Variants in RALGAPB observed in about 807,000 individuals in gnomAD.
The protein encoded by RALGAPB is ral GTPase-activating protein subunit beta.
A neutral mutation model predicts 161.1 loss-of-function variants in RALGAPB; 25 were observed. The observed-to-expected ratio is 0.16, with a 90% confidence interval of 0.11 to 0.22. The LOEUF is 0.22. RALGAPB is among the 10% of genes least tolerant of loss of function. The probability of loss-of-function intolerance (pLI) is 1.00; values close to 1 mark genes in which losing one functional copy is unlikely to be tolerated. For synonymous variants in RALGAPB, 629 were observed against 626.1 expected, an observed-to-expected ratio of 1.00 and a Z score of -0.07; for missense variants, 1,391 against 1,815.2, an observed-to-expected ratio of 0.77 and a Z score of 4.25.
intron 13 of RALGAPB, among the ~76,000 whole-genome samples, chr20:38,529,671 A>C (rs772428743): frequency 6.6e-5 from 10 of 151,882 alleles, no homozygotes; most frequent in Non-Finnish European, 1.0e-4. Context: ...TCTCTACTCA[A>C]AATACAAAAA....
At chr20:38,568,455 C>T (rs1297580880) in intron 26 of RALGAPB, 6 of 152,168 alleles carry the variant, frequency 3.9e-5, no homozygotes, top group Non-Finnish European at 8.8e-5. Flanking sequence ...TTCTTGAATG[C>T]TTTTCCTCTG....
intron 21 of RALGAPB, among the ~76,000 whole-genome samples, chr20:38,553,357 CAGGG>C (rs1370452600): frequency 3.9e-5 from 6 of 152,134 alleles, no homozygotes; most frequent in African/African-American, 1.4e-4. Context: ...GAATTAAACA[CAGGG>C]AGCACGTCAG....
chr20:38,558,577 G>A (rs2087676705), intron 23 of RALGAPB, 124 bp downstream of exon 23: 3 of 872,998 alleles, frequency 3.4e-6, no homozygotes, highest in Non-Finnish European at 4.8e-6. Context: ...ACTGCAGCCT[G>A]GGAAGTGCTG....
At position 38,576,433 on chromosome 20, in the gene RALGAPB, T is replaced by C. The variant is rs533399180; in HGVS notation, c.*1466T>C. 15 of 152,632 alleles carry C rather than the reference T, an allele frequency of 9.8e-5. No individual in the cohort carries two copies. Among genetic ancestry groups the C allele is most frequent in the African/African-American group, 2.9e-4 (12 of 41,580 alleles). 9.5% of individuals were successfully genotyped at this position (152,632 alleles called of 1,614,324 possible). On this transcript the variant is annotated 3_prime_UTR_variant, in exon 30 of 30. Transcript: ENST00000262879. ...ACCTAATTCCCTGTGCAAATGTCTC[T>C]TATTCCAGAAATGTGCATTTTGTCA... is the stretch of plus-strand genomic sequence containing the variant.
chr20:38,562,660 TATTA>T lies in RALGAPB; in HGVS notation c.3664_3667del (p.Asn1222ValfsTer12), dbSNP rs1485533658. On this transcript the variant is annotated frameshift_variant, in exon 24 of 30. Coordinates refer to ENST00000262879, the MANE Select transcript of RALGAPB (RefSeq NM_020336.4). LOFTEE classifies it high-confidence loss of function. ...CTGGGCATGTTTCTACCAGTTGGTC[TATTA>T]ATTGTTGTGATGATGGTGAAGGATC... The T allele has an allele frequency of 6.2e-7, 1 of 1,613,404 alleles. No homozygotes were observed. The highest frequency in any genetic ancestry group is 8.5e-7 in the Non-Finnish European group (1 of 1,179,734).
At position 38,515,787 on chromosome 20, in the gene RALGAPB, A is replaced by ACC. The variant is rs1308745247; in HGVS notation, c.873-405_873-404insCC. Among the ~76,000 whole-genome samples the ACC allele has an allele frequency of 4.4e-4, 67 of 151,794 alleles. 1 individual carries two copies. The highest frequency in any genetic ancestry group is 1.2e-3 in the Admixed American group (19 of 15,238). ...TGCTCTGTTGCTCAGGCTGGAATGCATTGGCATGATCATAGCTCACTGCAG... is the reference window on the plus strand; with the variant it reads ...TGCTCTGTTGCTCAGGCTGGAATGCACCTTGGCATGATCATAGCTCACTGCAG... On this transcript the variant is annotated intron_variant, in intron 6 of 29. Transcript: ENST00000262879.
In RALGAPB at chr20:38,493,868, G is replaced by GC. The variant is rs978650599; in HGVS notation, c.389+740dup. Among the ~76,000 whole-genome samples, 229 of 152,226 alleles carry GC rather than the reference G, an allele frequency of 1.5e-3. 2 individuals carry two copies. The highest frequency in any genetic ancestry group is 3.8e-4 in the Non-Finnish European group (26 of 68,006). ...TGCATGAAATGCCTGGTGTAGTCTG[G>GC]CCCCTAACTAGACTAGCTGTTCTGA... On this transcript the variant is annotated intron_variant, in intron 3 of 29. Coordinates refer to ENST00000262879, the MANE Select transcript of RALGAPB (RefSeq NM_020336.4).
chr20:38,570,906 C>A, intron 28 of RALGAPB, 59 bp downstream of exon 28: 4 of 1,089,326 alleles, frequency 3.7e-6, no homozygotes, highest in Admixed American at 2.1e-5. Context: ...TTGATTGCAG[C>A]TTAATAAATA....
intron 1 of RALGAPB, among the ~76,000 whole-genome samples, chr20:38,481,016 G>T (rs969294105): frequency 6.6e-6 from 1 of 151,972 alleles, no homozygotes; most frequent in South Asian, 2.1e-4. Context: ...GATTACAGGC[G>T]TGACCCACTG....
chr20:38,543,661 CA>C (rs1348447124), intron 18 of RALGAPB, among the ~76,000 whole-genome samples: 1 of 152,210 alleles, frequency 6.6e-6, no homozygotes. Flanking sequence ...TCAGGCCTGA[CA>C]GAGCACTGTG....
chr20:38,494,497 G>A (rs1363334901), intron 3 of RALGAPB, among the ~76,000 whole-genome samples: 3 of 152,212 alleles, frequency 2.0e-5, no homozygotes, highest in Non-Finnish European at 4.4e-5. Flanking sequence ...CGGGTGTGGC[G>A]GCATGTGCTT....
At chr20:38,485,168 A>G (rs868648796) in intron 1 of RALGAPB, among the ~76,000 whole-genome samples, 3 of 152,192 alleles carry the variant, frequency 2.0e-5, no homozygotes, top group Non-Finnish European at 2.9e-5. Flanking sequence ...GGCTCAGACA[A>G]TGGTTTTCTA....
chr20:38,549,533 TAA>T (rs66699514), intron 20 of RALGAPB, among the ~76,000 whole-genome samples: 268 of 138,568 alleles, frequency 1.9e-3, no homozygotes, highest in African/African-American at 3.8e-3. Context: ...CCAGCCTAAT[TAA>T]AAAAAAAAAA....
At chr20:38,498,842 C>T (rs2085501859) in intron 4 of RALGAPB, among the ~76,000 whole-genome samples, 1 of 152,198 alleles carries the variant, frequency 6.6e-6, no homozygotes. Context: ...TTATTTGTCT[C>T]TCTGTCTCTC....
At chr20:38,497,667 G>A (rs2085466822) in intron 4 of RALGAPB, 151 bp downstream of exon 4, 3 of 871,734 alleles carry the variant, frequency 3.4e-6, no homozygotes, top group South Asian at 3.6e-5. Context: ...AAACTCTCAG[G>A]CACAATATAA....
chr20:38,490,498 G>A (rs766200033), intron 2 of RALGAPB, among the ~76,000 whole-genome samples: 31 of 149,724 alleles, frequency 2.1e-4, no homozygotes, highest in Non-Finnish European at 2.4e-4. Context: ...GTGAGCCACC[G>A]CGCCCGGCCT....
chr20:38,525,297 C>A, intron 11 of RALGAPB, 107 bp from the exon 12 acceptor site: 1 of 768,110 alleles, frequency 1.3e-6, no homozygotes, highest in Non-Finnish European at 2.2e-6. Context: ...ATACAATATA[C>A]AAATACACAA....
In RALGAPB at chr20:38,524,926, G is replaced by A; in HGVS notation, c.1768G>A (p.Glu590Lys). The change falls in exon 11 of 30, where the codon GAA (glutamate) becomes AAA (lysine). Residue 590 changes from glutamate (E) to lysine (K), a missense_variant. Glu to Lys is a moderately conservative substitution (Grantham distance 56). Around this residue, in one of 3 missense-constraint regions of RALGAPB, gnomAD observed 946 missense variants for 1,257.2 expected, o/e 0.75. Coordinates refer to ENST00000262879, the MANE Select transcript of RALGAPB (RefSeq NM_020336.4). ...VVVPYFISAL[E>K]TILPDRELSK... Reference sequence around the variant, plus strand: ...GGTTCCTTACTTTATTTCAGCTCTTGAAACCATTTTGCCTGACAGGTAAGC... The same window carrying A: ...GGTTCCTTACTTTATTTCAGCTCTTAAAACCATTTTGCCTGACAGGTAAGC... 6.2e-7 allele frequency: 1 copy of A among 1,610,730 alleles called. No homozygotes were observed. The highest frequency in any genetic ancestry group is 8.5e-7 in the Non-Finnish European group (1 of 1,176,922).
At chr20:38,531,450 A>G (rs2086647584) in intron 14 of RALGAPB, among the ~76,000 whole-genome samples, 3 of 152,178 alleles carry the variant, frequency 2.0e-5, no homozygotes, top group South Asian at 2.1e-4. Flanking sequence ...TCTGTATGAG[A>G]GAAACTACAG....
Sources: gnomAD v4.1 joint callset for allele counts (sites outside exome capture counted in the v4.1 genomes callset) on GRCh38, gnomAD v4.1.1 for gene constraint, gnomAD v4.1.1 regional missense constraint, MANE v1.5 for transcripts, NCBI Gene and HGNC (gene_info 2026-07-23, HGNC 2026-07-21) for gene names.